Variants in NUMB observed in about 807,000 individuals in gnomAD.
NUMB encodes the protein protein numb homolog.
Under a neutral mutation model 59.7 loss-of-function variants are expected in NUMB, and 29 were observed. The ratio of observed to expected loss-of-function variants is 0.49; its 90% confidence interval spans 0.36 to 0.66. The LOEUF (loss-of-function observed/expected upper bound fraction) is 0.66. Among genes scored for constraint, NUMB ranks in the 30% least tolerant of loss-of-function variants. NUMB has a pLI of 0.00. For missense variants in NUMB, 723 were observed against 822.0 expected, an observed-to-expected ratio of 0.88 and a Z score of 1.47; for synonymous variants, 288 against 288.2, an observed-to-expected ratio of 1.00 and a Z score of 0.01.
At chr14:73,386,864 CTTATTTTT>C (rs1895554607) in intron 2 of NUMB, among the ~76,000 whole-genome samples, 15 of 73,806 alleles carry the variant, frequency 2.0e-4, no homozygotes, top group African/African-American at 3.9e-4. Flanking sequence ...TATCAGGTGT[CTTATTTTT>C]TTTTTTTTTT....
intron 1 of NUMB, among the ~76,000 whole-genome samples, chr14:73,451,154 A>C (rs922980623): frequency 1.4e-5 from 1 of 70,636 alleles, no homozygotes; most frequent in African/African-American, 5.7e-5. Flanking sequence ...ACTCTGTCTC[A>C]AAAAAAAAAA....
At chr14:73,368,695 A>G (rs1024677670) in intron 2 of NUMB, among the ~76,000 whole-genome samples, 1 of 152,218 alleles carries the variant, frequency 6.6e-6, no homozygotes, top group Non-Finnish European at 1.5e-5. Flanking sequence ...AGAGGAGTAC[A>G]GAAAATTACT....
chr14:73,307,890 G>A (rs1484837809), intron 6 of NUMB, among the ~76,000 whole-genome samples: 2 of 151,856 alleles, frequency 1.3e-5, no homozygotes, highest in Non-Finnish European at 1.5e-5. Flanking sequence ...CCGCCACCAC[G>A]CCCGGCTAAT....
At chr14:73,336,185 A>G (rs1402198499) in intron 4 of NUMB, among the ~76,000 whole-genome samples, 1 of 152,192 alleles carries the variant, frequency 6.6e-6, no homozygotes, top group Non-Finnish European at 1.5e-5. Flanking sequence ...TCTTCTTTCA[A>G]CTACCTCATA....
At chr14:73,429,772 G>A (rs565003864) in intron 1 of NUMB, among the ~76,000 whole-genome samples, 1 of 152,018 alleles carries the variant, frequency 6.6e-6, no homozygotes, top group Admixed American at 6.5e-5. Flanking sequence ...GTGAAACCCC[G>A]TCTCTACTAA....
chr14:73,303,415 A>G (rs1344146651), intron 6 of NUMB, among the ~76,000 whole-genome samples: 1 of 152,068 alleles, frequency 6.6e-6, no homozygotes. Context: ...CCCCGTCTCT[A>G]CTAAAAACAC....
chr14:73,284,018 T>C (rs1888813044), intron 10 of NUMB, 63 bp downstream of exon 10: 1 of 1,441,898 alleles, frequency 6.9e-7, no homozygotes, highest in Non-Finnish European at 9.7e-7. Context: ...AGTGTCTTCA[T>C]GGGAAGTGAT....
chr14:73,372,358 T>TAA lies in NUMB; in HGVS notation c.-100-5379_-100-5378dup, dbSNP rs1343744249. 1.4e-4 allele frequency among the ~76,000 whole-genome samples: 17 copies of TAA among 120,120 alleles called. No homozygotes were observed. In the South Asian group the frequency reaches 2.5e-3, roughly 17 times the overall value. 78.8% of individuals were successfully genotyped at this position (120,120 alleles called of 152,430 possible). Reference sequence around the variant, plus strand: ...ATATAACCTTTTATATATATATATATAACCTTTTATATATATATATATAAA... The same window carrying TAA: ...ATATAACCTTTTATATATATATATATAAAACCTTTTATATATATATATATAAA... On this transcript the variant is annotated intron_variant, in intron 2 of 12. Coordinates refer to ENST00000555238, the MANE Select transcript of NUMB (RefSeq NM_001005743.2).
At chr14:73,362,576 A>AG (rs1189150270) in intron 3 of NUMB, among the ~76,000 whole-genome samples, 1 of 151,938 alleles carries the variant, frequency 6.6e-6, no homozygotes, top group East Asian at 1.9e-4. Flanking sequence ...CCAAGTAGCT[A>AG]GGACTACAGG....
intron 2 of NUMB, among the ~76,000 whole-genome samples, chr14:73,396,498 C>G (rs1304830000): frequency 1.3e-5 from 2 of 150,592 alleles, no homozygotes; most frequent in Non-Finnish European, 2.9e-5. Context: ...CAGGCCCATA[C>G]CACAAGGCCT....
chr14:73,374,025 C>G (rs1435926513), intron 2 of NUMB, among the ~76,000 whole-genome samples: 1 of 151,950 alleles, frequency 6.6e-6, no homozygotes, highest in Non-Finnish European at 1.5e-5. Flanking sequence ...TGCACCACCA[C>G]GCCAGGCTAA....
At position 73,436,030 on chromosome 14, in the gene NUMB, C is replaced by T. The variant is rs530907170; in HGVS notation, c.-233+22463G>A. On this transcript the variant is annotated intron_variant, in intron 1 of 12. Transcript: ENST00000555238. ...CAAAAAAAAAAAAAAGAAAATGACA[C>T]AAATATCAATAGAAGAATGGAAAAA... Among the ~76,000 whole-genome samples, 11 of 150,666 alleles carry T rather than the reference C, an allele frequency of 7.3e-5. 1 individual carries two copies. The South Asian group carries it at 2.3e-3, about 32-fold the overall frequency.
At chr14:73,280,680 G>T (rs1888563554) in intron 11 of NUMB, among the ~76,000 whole-genome samples, 1 of 141,034 alleles carries the variant, frequency 7.1e-6, no homozygotes, top group Admixed American at 7.6e-5. Context: ...CTATGGTGTT[G>T]GTACTATTTT....
chr14:73,337,509 AT>A (rs1168287742), intron 4 of NUMB, among the ~76,000 whole-genome samples: 1 of 152,206 alleles, frequency 6.6e-6, no homozygotes, highest in African/African-American at 2.4e-5. Context: ...TCTCAAAAAA[AT>A]GTATCTATAT....
intron 1 of NUMB, among the ~76,000 whole-genome samples, chr14:73,451,523 G>C (rs1883974183): frequency 6.6e-6 from 1 of 151,950 alleles, no homozygotes; most frequent in Non-Finnish European, 1.5e-5. Context: ...CCTGACGCAG[G>C]ACAATTGCTT....
chr14:73,451,272 C>A (rs1260708795), intron 1 of NUMB, among the ~76,000 whole-genome samples: 2 of 150,912 alleles, frequency 1.3e-5, no homozygotes, highest in Non-Finnish European at 2.9e-5. Flanking sequence ...CCCATCTCTA[C>A]TAAAAATACA....
rs955054594 is a variant in NUMB, at chr14:73,276,775, C to T, written c.1759G>A (p.Ala587Thr). 5 of 1,614,070 alleles carry T rather than the reference C, an allele frequency of 3.1e-6. No homozygotes were observed. In the African/African-American group the frequency reaches 5.3e-5, roughly 17 times the overall value. The part of the protein sequence containing the change: ...KPPAQHLNGS[A>T]AFNGVDDGRL... ...CCATCATCTACACCATTGAAAGCTG[C>T]AGAACCGTTGAGGTGCTGAGCAGGA... Residue 587 changes from alanine (A) to threonine (T), a missense_variant, in exon 13 of 13, where the codon GCA becomes ACA. By Grantham distance (58) the Ala-to-Thr change is moderately conservative. Coordinates refer to ENST00000555238, the MANE Select transcript of NUMB (RefSeq NM_001005743.2).
At chr14:73,433,005 G>T (rs1468786060) in intron 1 of NUMB, among the ~76,000 whole-genome samples, 1 of 152,122 alleles carries the variant, frequency 6.6e-6, no homozygotes, top group Non-Finnish European at 1.5e-5. Flanking sequence ...AGGAGTTCAA[G>T]ACCAGCCCGG....
chr14:73,360,679 T>C (rs1363373330), intron 3 of NUMB, among the ~76,000 whole-genome samples: 1 of 152,150 alleles, frequency 6.6e-6, no homozygotes, highest in Non-Finnish European at 1.5e-5. Flanking sequence ...CTAGGCCTGT[T>C]GTTTCCTTCT....
Sources: allele counts gnomAD v4.1 joint callset (sites outside exome capture counted in the v4.1 genomes callset), GRCh38; gene constraint gnomAD v4.1.1; transcripts MANE v1.5; gene names NCBI Gene and HGNC (gene_info 2026-07-23, HGNC 2026-07-21).